Variants in PHYHIPL observed in about 807,000 individuals in gnomAD.
PHYHIPL encodes phytanoyl-CoA 2-hydroxylase interacting protein like.
A neutral mutation model predicts 33.4 loss-of-function variants in PHYHIPL; 9 were observed. That is an observed-to-expected ratio of 0.27 (90% CI 0.16 to 0.47). The LOEUF (loss-of-function observed/expected upper bound fraction) is 0.47. Ranked by LOEUF, PHYHIPL falls within the 20% of genes least tolerant of loss-of-function variation. The pLI is 0.99. For missense variants in PHYHIPL, 365 were observed against 460.7 expected (o/e 0.79, Z 1.90); for synonymous variants, 153 against 154.1 (o/e 0.99, Z 0.05).
Position 59,246,708 on chromosome 10 carries a change from G to A in PHYHIPL, c.*1117G>A, listed in dbSNP as rs1481199187. On this transcript the variant is annotated 3_prime_UTR_variant, in exon 5 of 5. Transcript: ENST00000373880. ...TTGTACAGAAGGATGAATAACTACA[G>A]CTCATGGGAAATGTTTTGACTTTAC... 13 of 397,188 alleles carry A rather than the reference G, an allele frequency of 3.3e-5. No individual in the cohort carries two copies. The highest frequency in any genetic ancestry group is 4.4e-5 in the Non-Finnish European group (10 of 225,196). 24.6% of individuals were successfully genotyped at this position (397,188 alleles called of 1,614,324 possible). A position where few individuals can be genotyped will look rare whatever the true frequency, so the allele number is the denominator to read the frequency against.
At chr10:59,224,920 C>G (rs1839886482) in intron 1 of PHYHIPL, among the ~76,000 whole-genome samples, 1 of 151,802 alleles carries the variant, frequency 6.6e-6, no homozygotes. Flanking sequence ...AATAGTAACT[C>G]TGCTATTTAC....
rs1407973584 is a variant in PHYHIPL, at chr10:59,245,630, C to T, written c.*39C>T. 1 of 1,534,286 alleles carries T rather than the reference C, an allele frequency of 6.5e-7. No individual in the cohort carries two copies. The highest frequency in any genetic ancestry group is 8.7e-7 in the Non-Finnish European group (1 of 1,143,154). ...TATTCTTACTCAGCCCCTTTTCCTC[C>T]CTTAGGAGCATTGGTCCTCTGTTGT... On this transcript the variant is annotated 3_prime_UTR_variant, in exon 5 of 5. Transcript: ENST00000373880.
Position 59,246,494 on chromosome 10 carries a change from A to G in PHYHIPL, c.*903A>G. ...ATCATACTTAAACATTACAGAAAAT[A>G]GAAATACAAACAAGGTTGGTACATG... On this transcript the variant is annotated 3_prime_UTR_variant, in exon 5 of 5. Coordinates refer to ENST00000373880, the MANE Select transcript of PHYHIPL (RefSeq NM_032439.4). 5.1e-6 allele frequency: 2 copies of G among 388,726 alleles called. No homozygotes were observed. Among genetic ancestry groups the G allele is most frequent in the Non-Finnish European group, 9.1e-6 (2 of 219,662 alleles). The allele number at this position is 388,726 out of a possible 1,614,324, so 24.1% of individuals were successfully genotyped here.
intron 1 of PHYHIPL, among the ~76,000 whole-genome samples, chr10:59,182,119 C>T (rs1337228546): frequency 1.3e-5 from 2 of 152,168 alleles, no homozygotes; most frequent in South Asian, 2.1e-4. Context: ...AGCTATGTCA[C>T]TCATTGCAGC....
At chr10:59,230,137 GT>G (rs1263427313) in intron 1 of PHYHIPL, among the ~76,000 whole-genome samples, 1 of 150,328 alleles carries the variant, frequency 6.7e-6, no homozygotes, top group Admixed American at 6.6e-5. Context: ...ATCCTTTCAA[GT>G]TTCTCTTGAT....
At chr10:59,192,912 TG>T (rs1336979928) in intron 1 of PHYHIPL, among the ~76,000 whole-genome samples, 3 of 152,162 alleles carry the variant, frequency 2.0e-5, no homozygotes, top group Non-Finnish European at 2.9e-5. Flanking sequence ...TCAATATCTG[TG>T]GAATATCTAG....
chr10:59,191,185 G>A (rs1050066357), intron 1 of PHYHIPL, among the ~76,000 whole-genome samples: 28 of 151,874 alleles, frequency 1.8e-4, no homozygotes, highest in Admixed American at 1.3e-3. Flanking sequence ...TTGTGCAAAA[G>A]CAAATGTAGA....
chr10:59,181,028 G>A (rs986740436), intron 1 of PHYHIPL, among the ~76,000 whole-genome samples: 1 of 152,134 alleles, frequency 6.6e-6, no homozygotes, highest in Admixed American at 6.5e-5. Flanking sequence ...ACCCCTGTTA[G>A]AATATTGGCT....
At chr10:59,203,611 T>G (rs945169277) in intron 1 of PHYHIPL, among the ~76,000 whole-genome samples, 2 of 152,046 alleles carry the variant, frequency 1.3e-5, no homozygotes, top group Admixed American at 6.5e-5. Flanking sequence ...GTTCATGTCC[T>G]TTGTAGGGAC....
intron 1 of PHYHIPL, 144 bp from the exon 2 acceptor site, chr10:59,234,157 AAAC>A: frequency 1.6e-6 from 1 of 627,248 alleles, no homozygotes; most frequent in Non-Finnish European, 2.6e-6. Flanking sequence ...CACTCTGTGA[AAAC>A]AAATTGGAAA....
intron 1 of PHYHIPL, among the ~76,000 whole-genome samples, chr10:59,232,947 A>G (rs1479788488): frequency 6.6e-6 from 1 of 151,850 alleles, no homozygotes; most frequent in Non-Finnish European, 1.5e-5. Context: ...CCTGTTCTTA[A>G]CTTTTGAAAA....
intron 1 of PHYHIPL, among the ~76,000 whole-genome samples, chr10:59,178,047 C>T (rs1207975439): frequency 1.3e-5 from 2 of 152,152 alleles, no homozygotes; most frequent in African/African-American, 4.8e-5. Context: ...TAAAATTTAT[C>T]AGCCTAATCC....
chr10:59,242,482 A>AAACTT (rs1840435880), intron 4 of PHYHIPL, among the ~76,000 whole-genome samples: 2 of 152,190 alleles, frequency 1.3e-5, no homozygotes, highest in Non-Finnish European at 2.9e-5. Flanking sequence ...TAATAACATA[A>AAACTT]AACTTAAAAT....
In PHYHIPL at chr10:59,208,813, A is replaced by AAT. The variant is rs1217491344; in HGVS notation, c.107-25490_107-25489insTA. Among the ~76,000 whole-genome samples the AAT allele has an allele frequency of 5.3e-5, 8 of 152,172 alleles. No homozygotes were observed. In the East Asian group the frequency reaches 1.6e-3, roughly 30 times the overall value. ...ATCAATAGCCGAATTGATCAAGCAG[A>AAT]AGAAAAGATATCAGAGATTGAAGAT... On this transcript the variant is annotated intron_variant, in intron 1 of 4. Transcript: ENST00000373880.
intron 1 of PHYHIPL, among the ~76,000 whole-genome samples, chr10:59,226,113 TAAAC>T (rs1256264562): frequency 6.6e-6 from 1 of 151,736 alleles, no homozygotes; most frequent in Non-Finnish European, 1.5e-5. Context: ...GTTAAGATAA[TAAAC>T]TAATATATAA....
At chr10:59,180,663 A>C (rs1024494373) in intron 1 of PHYHIPL, among the ~76,000 whole-genome samples, 18 of 151,978 alleles carry the variant, frequency 1.2e-4, no homozygotes, top group African/African-American at 4.3e-4. Flanking sequence ...AACAATACTT[A>C]CGTGGAAAAA....
chr10:59,236,446 C>G, intron 2 of PHYHIPL, 37 bp from the exon 3 acceptor site: 1 of 1,382,166 alleles, frequency 7.2e-7, no homozygotes, highest in Non-Finnish European at 9.8e-7. Context: ...TCTGTCTCCC[C>G]TCATTTTTCT....
intron 1 of PHYHIPL, among the ~76,000 whole-genome samples, chr10:59,225,509 A>T (rs908144555): frequency 1.3e-5 from 2 of 152,190 alleles, no homozygotes; most frequent in African/African-American, 4.8e-5. Flanking sequence ...AAGTGGTAAG[A>T]CACTTCTCCA....
intron 1 of PHYHIPL, chr10:59,177,507 CAG>C (rs1838286622): frequency 2.6e-6 from 4 of 1,550,974 alleles, no homozygotes; most frequent in African/African-American, 1.4e-5. Flanking sequence ...CGCAGAAAAA[CAG>C]TGCATTTCAG....
Sources: allele counts gnomAD v4.1 joint callset (sites outside exome capture counted in the v4.1 genomes callset), GRCh38; gene constraint gnomAD v4.1.1; transcripts MANE v1.5; gene names NCBI Gene and HGNC (gene_info 2026-07-23, HGNC 2026-07-21).